The following WDR5 variants were observed in gnomAD, a reference collection of about 807,000 sequenced individuals.
WDR5 encodes the protein WD repeat domain 5.
For missense variants in WDR5, 187 were observed against 416.9 expected (o/e 0.45, Z 4.80); for synonymous variants, 144 against 161.6 (o/e 0.89, Z 0.83).
rs542845603 is a variant in WDR5, at chr9:134,136,407, C to T, written c.-59+207C>T. ...ACGGCCGCGCGCGCAGTTCCCTCCACCCGGTCCGCCCCCACTCGCGCCCCC... is the reference window on the plus strand; with the variant it reads ...ACGGCCGCGCGCGCAGTTCCCTCCATCCGGTCCGCCCCCACTCGCGCCCCC... On this transcript the variant is annotated intron_variant, in intron 1 of 13. Transcript: ENST00000358625. 2.4e-4 allele frequency among the ~76,000 whole-genome samples: 36 copies of T among 151,740 alleles called. No homozygotes were observed. The South Asian group carries it at 7.0e-3, about 30-fold the overall frequency.
chr9:134,144,489 ATAGG>A (rs772401025), intron 7 of WDR5, among the ~76,000 whole-genome samples: 13 of 152,322 alleles, frequency 8.5e-5, no homozygotes, highest in Middle Eastern at 6.8e-3. Flanking sequence ...CTCGCGGTTG[ATAGG>A]TAGGATTTTA....
chr9:134,140,896 C>T lies in WDR5; in HGVS notation c.190+85C>T. On this transcript the variant is annotated intron_variant, in intron 3 of 13. Coordinates refer to ENST00000358625, the MANE Select transcript of WDR5 (RefSeq NM_017588.3). ...CTGGCGAGGGGATGGCTTGCTTCCT[C>T]ACCTACCGCTGGGGAGACGTAGCAG... The T allele has an allele frequency of 2.3e-6, 3 of 1,328,370 alleles. No individual in the cohort carries two copies. The South Asian group carries it at 3.6e-5, about 16-fold the overall frequency. The allele number at this position is 1,328,370 out of a possible 1,614,324, so 82.3% of individuals were successfully genotyped here.
At chr9:134,137,641 G>C (rs1293683984) in intron 1 of WDR5, among the ~76,000 whole-genome samples, 19 of 136,942 alleles carry the variant, frequency 1.4e-4, no homozygotes, top group African/African-American at 5.2e-4. Context: ...CCCAGATCGT[G>C]CACCTGGACT....
At chr9:134,140,025 C>T in intron 2 of WDR5, 67 bp downstream of exon 2, 1 of 1,562,810 alleles carries the variant, frequency 6.4e-7, no homozygotes, top group South Asian at 1.1e-5. Context: ...TCGGAAACAT[C>T]TCAAGCTCAT....
In WDR5 at chr9:134,154,476, C is replaced by T. The variant is rs1832659650; in HGVS notation, c.642C>T (p.Asn214=). 4 of 1,613,992 alleles carry T rather than the reference C, an allele frequency of 2.5e-6. No homozygotes were observed. Among genetic ancestry groups the T allele is most frequent in the South Asian group, 1.1e-5 (1 of 91,076 alleles). Reference sequence around the variant, plus strand: ...CCGTTTTTATTGCAGATGACGACAACCCCCCCGTGTCTTTTGTGAAGTTCT... The same window carrying T: ...CCGTTTTTATTGCAGATGACGACAATCCCCCCGTGTCTTTTGTGAAGTTCT... The part of the protein sequence containing the change: ...QCLKTLIDDD[N]PPVSFVKFSP... Residue 214 remains asparagine, a synonymous_variant, in exon 10 of 14, where the codon AAC becomes AAT. Coordinates refer to ENST00000358625, the MANE Select transcript of WDR5 (RefSeq NM_017588.3).
intron 8 of WDR5, 102 bp from the exon 9 acceptor site, chr9:134,151,881 A>G (rs1832506983): frequency 8.6e-7 from 1 of 1,164,180 alleles, no homozygotes; most frequent in African/African-American, 1.5e-5. Flanking sequence ...AAAAAAAGAT[A>G]GGGAAAAGCG....
At chr9:134,154,829 C>T (rs1339920188) in intron 10 of WDR5, among the ~76,000 whole-genome samples, 3 of 152,230 alleles carry the variant, frequency 2.0e-5, no homozygotes, top group Admixed American at 6.5e-5. Context: ...AAGGAGTCGG[C>T]GGTCCGGGGG....
At chr9:134,140,898 C>A (rs1354939601) in intron 3 of WDR5, 87 bp downstream of exon 3, 1 of 1,315,846 alleles carries the variant, frequency 7.6e-7, no homozygotes, top group Non-Finnish European at 1.1e-6. Context: ...TGCTTCCTCA[C>A]CTACCGCTGG....
chr9:134,141,688 TC>T, intron 4 of WDR5, 105 bp downstream of exon 4: 1 of 1,254,354 alleles, frequency 8.0e-7, no homozygotes, highest in Non-Finnish European at 1.1e-6. Flanking sequence ...TTTTAAGTTT[TC>T]CCCGTTTTTT....
At position 134,151,998 on chromosome 9, in the gene WDR5, C is replaced by G. The variant is rs748739676; in HGVS notation, c.600C>G (p.Thr200=). ...SYDGLCRIWD[T]ASGQCLKTLI... ...TGCTTCGAAGTCGCATCTGGGACAC[C>G]GCCTCAGGCCAGTGCCTGAAGACGC... Residue 200 remains threonine (T), a synonymous_variant, in exon 9 of 14, where the codon ACC becomes ACG. Coordinates refer to ENST00000358625, the MANE Select transcript of WDR5 (RefSeq NM_017588.3). 6.8e-6 allele frequency: 11 copies of G among 1,613,802 alleles called. No homozygotes were observed. Among genetic ancestry groups the G allele is most frequent in the Non-Finnish European group, 9.3e-6 (11 of 1,179,910 alleles).
Position 134,157,058 on chromosome 9 carries a change from G to T in WDR5, c.904+465G>T, listed in dbSNP as rs1832777004. Among the ~76,000 whole-genome samples, 1 of 152,096 alleles carries T rather than the reference G, an allele frequency of 6.6e-6. No homozygotes were observed. The highest frequency in any genetic ancestry group is 2.1e-4 in the South Asian group (1 of 4,830). On this transcript the variant is annotated intron_variant, in intron 13 of 13. Coordinates refer to ENST00000358625, the MANE Select transcript of WDR5 (RefSeq NM_017588.3). This position sits in a 1 kb window ranked among gnomAD's most constrained non-coding sequence, Gnocchi z 5.0. ...GGAGCTGGTTCCCAGGCTACCTGGG[G>T]TTGCCACCTCTGTGGGTCCCGGCTG...
chr9:134,152,097 G>C (rs540803574), intron 9 of WDR5, 68 bp downstream of exon 9: 5 of 1,549,670 alleles, frequency 3.2e-6, no homozygotes, highest in Admixed American at 1.9e-5. Flanking sequence ...CACTGCCCCT[G>C]TTCTTCACCA....
At position 134,156,661 on chromosome 9, in the gene WDR5, G is replaced by A. The variant is rs1438847218; in HGVS notation, c.904+68G>A. The A allele has an allele frequency of 7.2e-6, 11 of 1,538,312 alleles. 1 individual carries two copies. The highest frequency in any genetic ancestry group is 2.7e-5 in the African/African-American group (2 of 73,390). ...TGAGGACAGTTCCTGCAGGTGAAGC[G>A]TGGTGTGCCCGTAGGGTGCCGTCGT... On this transcript the variant is annotated intron_variant, in intron 13 of 13. Coordinates refer to ENST00000358625, the MANE Select transcript of WDR5 (RefSeq NM_017588.3).
rs907549279 is a variant in WDR5 at position 134,158,662 on chromosome 9, T to C, written c.*669T>C. On this transcript the variant is annotated 3_prime_UTR_variant, in exon 14 of 14. Transcript: ENST00000358625. ...CTGCAACAAGCAGCACCGCAGACTG[T>C]AATAAAAGGTGGGGTTTTGTGAATG... The C allele has an allele frequency of 1.3e-5, 2 of 152,210 alleles. No homozygotes were observed. The highest frequency in any genetic ancestry group is 2.4e-5 in the African/African-American group (1 of 41,450). The allele number at this position is 152,210 out of a possible 1,614,324, so 9.4% of individuals were successfully genotyped here.
Position 134,155,341 on chromosome 9 carries a change from A to G in WDR5, c.709A>G (p.Thr237Ala). 2 of 1,605,236 alleles carry G rather than the reference A, an allele frequency of 1.2e-6. No homozygotes were observed. Among genetic ancestry groups the G allele is most frequent in the Non-Finnish European group, 8.5e-7 (1 of 1,176,476 alleles). ...KYILAATLDNTLKLWDYSKGK... is the reference protein window; with the variant it reads ...KYILAATLDNALKLWDYSKGK... ...CTCACCCCTCTCTCTGTCTTGCAGCACTCTGAAGCTCTGGGACTACAGCAA... is the reference window on the plus strand; with the variant it reads ...CTCACCCCTCTCTCTGTCTTGCAGCGCTCTGAAGCTCTGGGACTACAGCAA... The change falls in exon 11 of 14, where the codon ACT becomes GCT. Residue 237 changes from threonine to alanine, a missense_variant and splice_region_variant. Thr to Ala is a moderately conservative substitution (Grantham distance 58, BLOSUM62 0). Coordinates refer to ENST00000358625, the MANE Select transcript of WDR5 (RefSeq NM_017588.3).
chr9:134,155,582 C>A, intron 11 of WDR5, 111 bp from the exon 12 acceptor site: 1 of 1,326,474 alleles, frequency 7.5e-7, no homozygotes, highest in South Asian at 1.3e-5. Flanking sequence ...GGTACTTGTA[C>A]TTTTCAGAAA....
intron 1 of WDR5, among the ~76,000 whole-genome samples, chr9:134,137,903 C>T (rs534032577): frequency 9.8e-4 from 149 of 152,136 alleles, no homozygotes; most frequent in African/African-American, 3.3e-3. Flanking sequence ...CCACCACACC[C>T]GGCTAATTTC....
chr9:134,150,224 G>A lies in WDR5; in HGVS notation c.585-1759G>A, dbSNP rs180716010. Among the ~76,000 whole-genome samples, 4 of 152,312 alleles carry A rather than the reference G, an allele frequency of 2.6e-5. No individual in the cohort carries two copies. The East Asian group carries it at 7.7e-4, about 29-fold the overall frequency. On this transcript the variant is annotated intron_variant, in intron 8 of 13. Coordinates refer to ENST00000358625, the MANE Select transcript of WDR5 (RefSeq NM_017588.3). The stretch of plus-strand genomic sequence containing the variant: ...CAGCCTCCTGAGCCTACCGTGCACA[G>A]AAAGGAATTCCCATAGCCAAGGAAT...
upstream of WDR5, chr9:134,135,978 A>G (rs1006524579): frequency 2.6e-5 from 4 of 151,972 alleles, no homozygotes; most frequent in Non-Finnish European, 5.9e-5. Flanking sequence ...GGCCCGAGGC[A>G]TTCTGGCCGC....
Sources: gnomAD v4.1 joint callset for allele counts (sites outside exome capture counted in the v4.1 genomes callset) on GRCh38, gnomAD v4.1.1 for gene constraint, Gnocchi (gnomAD v3.1) non-coding constraint, MANE v1.5 for transcripts, NCBI Gene and HGNC (gene_info 2026-07-23, HGNC 2026-07-21) for gene names.